ACBD6: variants seen among roughly 807,000 people sequenced by gnomAD.
ACBD6 encodes the protein acyl-CoA binding domain containing 6, also known as acyl-CoA-binding domain-containing protein 6.
Under a neutral mutation model 37.2 loss-of-function variants are expected in ACBD6, and 28 were observed. That is an observed-to-expected ratio of 0.75 (90% CI 0.56 to 1.03). ACBD6 has a LOEUF of 1.03. Among genes scored for constraint, ACBD6 ranks in the 50% least tolerant of loss-of-function variants. The pLI is 0.00. For missense variants in ACBD6, 340 were observed against 337.4 expected (o/e 1.01, Z -0.06); for synonymous variants, 113 against 126.8 (o/e 0.89, Z 0.73).
At chr1:180,276,294 TG>T (rs1649021767) in intron 9 of ACBD6, 2 of 152,360 alleles carry the variant, frequency 1.3e-5, no homozygotes, top group Non-Finnish European at 2.9e-5. Context: ...CAGTTCCTCT[TG>T]GACTGCTACA....
chr1:180,445,742 T>C (rs1649446569), intron 3 of ACBD6, among the ~76,000 whole-genome samples: 2 of 151,862 alleles, frequency 1.3e-5, no homozygotes, highest in South Asian at 2.1e-4. Flanking sequence ...CTAGACAACA[T>C]GGTGAGACCC....
intron 6 of ACBD6, among the ~76,000 whole-genome samples, chr1:180,374,582 C>CCTGACTTTCG (rs71118453): frequency 0.82 from 123,945 of 151,584 alleles, 51,088 homozygotes; most frequent in Non-Finnish European, 0.88. Context: ...TGTTTTCACA[C>CCTGACTTTCG]CTGACCTGCC....
intron 7 of ACBD6, among the ~76,000 whole-genome samples, chr1:180,307,006 A>G (rs1038994808): frequency 1.3e-5 from 2 of 152,204 alleles, no homozygotes; most frequent in Non-Finnish European, 2.9e-5. Flanking sequence ...AATCATGGGT[A>G]TATACCCAAA....
intron 3 of ACBD6, among the ~76,000 whole-genome samples, chr1:180,431,075 C>T (rs557927636): frequency 2.0e-5 from 3 of 151,826 alleles, no homozygotes; most frequent in Non-Finnish European, 2.9e-5. Context: ...AATTTGACTG[C>T]AAAAAGACTA....
chr1:180,405,946 T>C (rs1420338443), intron 5 of ACBD6, among the ~76,000 whole-genome samples: 2 of 152,268 alleles, frequency 1.3e-5, no homozygotes, highest in Non-Finnish European at 2.9e-5. Context: ...AACTTTTCCC[T>C]TCATATTTTG....
chr1:180,314,724 T>G lies in ACBD6; in HGVS notation c.664-2A>C. Reference sequence around the variant, plus strand: ...TAGAGCTGTTTGGCCTTCATTGTCCTATAAAAGAAACAAATAATACATTTT... The same window carrying G: ...TAGAGCTGTTTGGCCTTCATTGTCCGATAAAAGAAACAAATAATACATTTT... On this transcript the variant is annotated splice_acceptor_variant, in intron 6 of 7. Transcript: ENST00000367595. LOFTEE classifies it high-confidence loss of function. The G allele has an allele frequency of 1.3e-6, 2 of 1,531,568 alleles. No individual in the cohort carries two copies. The highest frequency in any genetic ancestry group is 1.8e-6 in the Non-Finnish European group (2 of 1,107,556). The allele number at this position is 1,531,568 out of a possible 1,614,324, so 94.9% of individuals were successfully genotyped here.
intron 6 of ACBD6, among the ~76,000 whole-genome samples, chr1:180,342,902 TA>T (rs1045882348): frequency 1.3e-5 from 2 of 152,022 alleles, no homozygotes; most frequent in Non-Finnish European, 2.9e-5. Flanking sequence ...TTTCTAGATT[TA>T]AATTGATTGA....
intron 3 of ACBD6, among the ~76,000 whole-genome samples, chr1:180,431,998 G>T (rs902855865): frequency 6.6e-6 from 1 of 152,104 alleles, no homozygotes; most frequent in Admixed American, 6.5e-5. Flanking sequence ...TTGAAGCCAG[G>T]AGTTTGAGAC....
intron 3 of ACBD6, among the ~76,000 whole-genome samples, chr1:180,467,679 C>G (rs1016220703): frequency 6.6e-6 from 1 of 151,810 alleles, no homozygotes; most frequent in Non-Finnish European, 1.5e-5. Flanking sequence ...CTTAATTTCC[C>G]AAAATGAGAT....
At chr1:180,341,601 C>T (rs1226534806) in intron 6 of ACBD6, among the ~76,000 whole-genome samples, 2 of 152,086 alleles carry the variant, frequency 1.3e-5, no homozygotes, top group African/African-American at 4.8e-5. Flanking sequence ...CTCCTCTTTA[C>T]AGCAAAATTC....
chr1:180,393,002 A>G (rs911567506), intron 6 of ACBD6, among the ~76,000 whole-genome samples: 1 of 152,200 alleles, frequency 6.6e-6, no homozygotes, highest in Middle Eastern at 3.2e-3. Flanking sequence ...CAGCATTCAA[A>G]TACCTTTTAA....
At chr1:180,296,048 T>A (rs1326945962) in intron 7 of ACBD6, among the ~76,000 whole-genome samples, 2 of 152,112 alleles carry the variant, frequency 1.3e-5, no homozygotes, top group Admixed American at 6.5e-5. Context: ...CAAATAAAAG[T>A]TCTTGAAGAA....
At chr1:180,312,818 C>A (rs565312835) in intron 7 of ACBD6, among the ~76,000 whole-genome samples, 1 of 152,126 alleles carries the variant, frequency 6.6e-6, no homozygotes, top group South Asian at 2.1e-4. Context: ...CAGATTAACT[C>A]ATTATAACAA....
At chr1:180,480,664 G>A (rs1470859827) in intron 3 of ACBD6, among the ~76,000 whole-genome samples, 1 of 152,140 alleles carries the variant, frequency 6.6e-6, no homozygotes, top group Admixed American at 6.6e-5. Context: ...CAAGTCAAAT[G>A]GAGCTTGTAG....
chr1:180,425,806 T>C (rs1337658885), intron 4 of ACBD6, among the ~76,000 whole-genome samples: 1 of 152,244 alleles, frequency 6.6e-6, no homozygotes, highest in Non-Finnish European at 1.5e-5. Context: ...GTATAATTTA[T>C]GCATGACAGG....
rs531004546 is a variant in ACBD6 at position 180,425,514 on chromosome 1, A to G, written c.467+4666T>C. Reference sequence around the variant, plus strand: ...ATGGAGGGAAGCTTTTTGGTGCTAAAGGCAGTGGTATCATTAGGATAGTGG... The same window carrying G: ...ATGGAGGGAAGCTTTTTGGTGCTAAGGGCAGTGGTATCATTAGGATAGTGG... On this transcript the variant is annotated intron_variant, in intron 4 of 7. Coordinates refer to ENST00000367595, the MANE Select transcript of ACBD6 (RefSeq NM_032360.4). 3.9e-4 allele frequency among the ~76,000 whole-genome samples: 59 copies of G among 152,344 alleles called. 2 individuals carry two copies. The highest frequency in any genetic ancestry group is 7.5e-4 in the Non-Finnish European group (51 of 68,032).
intron 5 of ACBD6, among the ~76,000 whole-genome samples, chr1:180,406,746 T>C (rs1214114404): frequency 6.6e-6 from 1 of 152,144 alleles, no homozygotes; most frequent in African/African-American, 2.4e-5. Context: ...TAAAATTAGG[T>C]TGAACCTGCT....
At chr1:180,453,377 G>C (rs1324781370) in intron 3 of ACBD6, among the ~76,000 whole-genome samples, 1 of 152,102 alleles carries the variant, frequency 6.6e-6, no homozygotes, top group Non-Finnish European at 1.5e-5. Context: ...CAATAAACTA[G>C]GTATTGATGG....
At chr1:180,340,295 C>A (rs1450952035) in intron 6 of ACBD6, among the ~76,000 whole-genome samples, 1 of 152,040 alleles carries the variant, frequency 6.6e-6, no homozygotes, top group Non-Finnish European at 1.5e-5. Flanking sequence ...ACTCTGGCTG[C>A]TAGGTTGAAA....
Sources: gnomAD v4.1 joint callset for allele counts (sites outside exome capture counted in the v4.1 genomes callset) on GRCh38, gnomAD v4.1.1 for gene constraint, MANE v1.5 for transcripts, NCBI Gene and HGNC (gene_info 2026-07-23, HGNC 2026-07-21) for gene names.